Variants in CTTNBP2 observed in about 807,000 individuals in gnomAD.
CTTNBP2 encodes cortactin-binding protein 2.
Under a neutral mutation model 156.9 loss-of-function variants are expected in CTTNBP2, and 108 were observed. The ratio of observed to expected loss-of-function variants is 0.69; its 90% CI spans 0.59 to 0.81. The LOEUF (loss-of-function observed/expected upper bound fraction) is 0.81, where lower values mean the gene tolerates loss of function less well. CTTNBP2 is among the 30% of genes least tolerant of loss of function. The probability of loss-of-function intolerance (pLI) is 0.00; values close to 1 mark genes in which losing one functional copy is unlikely to be tolerated. For missense variants in CTTNBP2, 1,924 were observed against 2,035.4 expected (o/e 0.95, Z 1.05); for synonymous variants, 767 against 751.8 (o/e 1.02, Z -0.33).
rs191212780 is a variant in CTTNBP2 at position 117,775,708 on chromosome 7, C to T, written c.2778+1803G>A. Among the ~76,000 whole-genome samples the T allele has an allele frequency of 1.2e-3, 189 of 152,042 alleles. 1 individual carries two copies. The Middle Eastern group carries it at 0.014, about 11-fold the overall frequency. ...CAGGTTGCAAACTACCCTTTCCATG[C>T]ACCTCTACAACAGCAAAAGATTCAT... On this transcript the variant is annotated intron_variant, in intron 8 of 22. Transcript: ENST00000160373.
At chr7:117,727,956 G>C in intron 17 of CTTNBP2, 133 bp downstream of exon 17, 1 of 763,230 alleles carries the variant, frequency 1.3e-6, no homozygotes, top group Non-Finnish European at 2.1e-6. Flanking sequence ...CTCTGAAAGA[G>C]CAGAGAGCAC....
chr7:117,801,554 T>G (rs746020049), intron 3 of CTTNBP2, among the ~76,000 whole-genome samples: 17 of 152,188 alleles, frequency 1.1e-4, no homozygotes, highest in Non-Finnish European at 2.2e-4. Context: ...GAAATGAATA[T>G]GTGGATTAGA....
chr7:117,861,999 G>C (rs1194003665), intron 1 of CTTNBP2, among the ~76,000 whole-genome samples: 2 of 151,930 alleles, frequency 1.3e-5, no homozygotes, highest in Non-Finnish European at 1.5e-5. Flanking sequence ...CCAGGAAGTA[G>C]CTGCCCCTTT....
At position 117,873,438 on chromosome 7, in the gene CTTNBP2, A is replaced by G; in HGVS notation, c.-23T>C. ...CATCTTCCTGCTCTAGCGGATCCGAATGCGAGCTCGGAGCCGCGGCTCCGG... is the reference window on the plus strand; with the variant it reads ...CATCTTCCTGCTCTAGCGGATCCGAGTGCGAGCTCGGAGCCGCGGCTCCGG... On this transcript the variant is annotated 5_prime_UTR_variant, in exon 1 of 23. Coordinates refer to ENST00000160373, the MANE Select transcript of CTTNBP2 (RefSeq NM_033427.3). 6.9e-7 allele frequency: 1 copy of G among 1,449,246 alleles called. No individual in the cohort carries two copies. The highest frequency in any genetic ancestry group is 9.1e-7 in the Non-Finnish European group (1 of 1,103,504). The allele number at this position is 1,449,246 out of a possible 1,614,324, so 89.8% of individuals were successfully genotyped here.
chr7:117,753,781 G>A (rs759910656), intron 12 of CTTNBP2, among the ~76,000 whole-genome samples: 65 of 152,194 alleles, frequency 4.3e-4, no homozygotes, highest in Admixed American at 7.9e-4. Flanking sequence ...TGGCGGGAGG[G>A]AGAGCATCAG....
chr7:117,777,586 A>C lies in CTTNBP2; in HGVS notation c.2703T>G (p.Val901=), dbSNP rs1360159160. The change falls in exon 8 of 23, where the codon GTT becomes GTG. Residue 901 remains valine, a synonymous_variant. Coordinates refer to ENST00000160373, the MANE Select transcript of CTTNBP2 (RefSeq NM_033427.3). ...ESPEGISKPV[V]PADLINHANR... is the part of the protein sequence containing the mutation. The stretch of plus-strand genomic sequence containing the variant: ...TGGCGTGGTTAATGAGGTCTGCAGG[A>C]ACAACAGGCTTGGATATGCCTTCAG... The C allele has an allele frequency of 1.9e-6, 3 of 1,613,964 alleles. No homozygotes were observed. Among genetic ancestry groups the C allele is most frequent in the South Asian group, 2.2e-5 (2 of 91,082 alleles).
At chr7:117,761,341 A>G (rs1237510048) in intron 9 of CTTNBP2, among the ~76,000 whole-genome samples, 1 of 152,248 alleles carries the variant, frequency 6.6e-6, no homozygotes, top group South Asian at 2.1e-4. Flanking sequence ...TAAATGGTTA[A>G]CAGGGTAGCA....
chr7:117,717,517 T>TTCTAAGTAGCATGATGA (rs1464318556), intron 22 of CTTNBP2, among the ~76,000 whole-genome samples: 3 of 152,150 alleles, frequency 2.0e-5, no homozygotes, highest in African/African-American at 4.8e-5. Flanking sequence ...TTGCAGGCCA[T>TTCTAAGTAGCATGATGA]TCTAAGTAGC....
At chr7:117,715,874 T>C (rs1418521606) in intron 22 of CTTNBP2, 1 of 152,194 alleles carries the variant, frequency 6.6e-6, no homozygotes, top group Middle Eastern at 3.2e-3. Context: ...AGATACTTCC[T>C]GATAACAGAA....
At position 117,711,415 on chromosome 7, in the gene CTTNBP2, C is replaced by A; in HGVS notation, c.*122G>T. ...TTACAAAAAAAAATTGAATAGTGGTCCCGCACTCATAATTTATATTACAGT... is the reference window on the plus strand; with the variant it reads ...TTACAAAAAAAAATTGAATAGTGGTACCGCACTCATAATTTATATTACAGT... On this transcript the variant is annotated 3_prime_UTR_variant, in exon 23 of 23. Transcript: ENST00000160373. 2 of 1,129,408 alleles carry A rather than the reference C, an allele frequency of 1.8e-6. No individual in the cohort carries two copies. Among genetic ancestry groups the A allele is most frequent in the South Asian group, 1.6e-5 (1 of 62,514 alleles). 70.0% of individuals were successfully genotyped at this position (1,129,408 alleles called of 1,614,324 possible). A position where few individuals can be genotyped will look rare whatever the true frequency, so the allele number is the denominator to read the frequency against.
chr7:117,745,789 T>C (rs1467302250), intron 14 of CTTNBP2, 42 bp downstream of exon 14: 1 of 1,284,064 alleles, frequency 7.8e-7, no homozygotes, highest in Non-Finnish European at 1.1e-6. Context: ...TTGAAGAGCA[T>C]GCCTTTAGGT....
At chr7:117,713,270 T>C (rs1389213966) in intron 22 of CTTNBP2, among the ~76,000 whole-genome samples, 1 of 152,190 alleles carries the variant, frequency 6.6e-6, no homozygotes. Flanking sequence ...ATTGATAATC[T>C]TTCCCTTCAG....
intron 3 of CTTNBP2, among the ~76,000 whole-genome samples, chr7:117,798,097 G>A (rs1799420714): frequency 6.6e-6 from 1 of 152,032 alleles, no homozygotes; most frequent in South Asian, 2.1e-4. Flanking sequence ...CATAAATGAT[G>A]GCAATGGTGA....
chr7:117,773,060 T>TAC (rs1222107285), intron 8 of CTTNBP2, among the ~76,000 whole-genome samples: 2 of 152,212 alleles, frequency 1.3e-5, no homozygotes, highest in African/African-American at 4.8e-5. Flanking sequence ...TCAAAAGCAT[T>TAC]ACAATAGAGT....
At chr7:117,714,625 A>G (rs1434301517) in intron 22 of CTTNBP2, among the ~76,000 whole-genome samples, 1 of 152,192 alleles carries the variant, frequency 6.6e-6, no homozygotes, top group Non-Finnish European at 1.5e-5. Flanking sequence ...GGTCTGAGGC[A>G]GGAAATATCC....
chr7:117,738,342 T>C (rs564240132), intron 14 of CTTNBP2, among the ~76,000 whole-genome samples: 1 of 152,258 alleles, frequency 6.6e-6, no homozygotes, highest in African/African-American at 2.4e-5. Flanking sequence ...GTTCTGGGAA[T>C]CAGTGGAAGT....
chr7:117,770,598 G>A (rs1479145969), intron 8 of CTTNBP2, among the ~76,000 whole-genome samples: 1 of 152,216 alleles, frequency 6.6e-6, no homozygotes, highest in African/African-American at 2.4e-5. Context: ...AAGCCCCTTT[G>A]GGCCAGGGGC....
chr7:117,712,305 T>TG (rs1274404375), intron 22 of CTTNBP2: 10 of 152,446 alleles, frequency 6.6e-5, no homozygotes, highest in Non-Finnish European at 1.5e-4. Context: ...CTTCCATACT[T>TG]GGAAGCTGCA....
chr7:117,838,064 T>C (rs1226883068), intron 2 of CTTNBP2, among the ~76,000 whole-genome samples: 1 of 152,204 alleles, frequency 6.6e-6, no homozygotes, highest in Admixed American at 6.5e-5. Flanking sequence ...TAGTTTCTTA[T>C]GTGACCATAG....
Sources: allele counts gnomAD v4.1 joint callset (sites outside exome capture counted in the v4.1 genomes callset), GRCh38; gene constraint gnomAD v4.1.1; transcripts MANE v1.5; gene names NCBI Gene and HGNC (gene_info 2026-07-23, HGNC 2026-07-21).